RALGPS2: variants seen among roughly 807,000 people sequenced by gnomAD.
RALGPS2 encodes ras-specific guanine nucleotide-releasing factor RalGPS2.
Under a neutral mutation model 86.8 loss-of-function variants are expected in RALGPS2, and 43 were observed. The ratio of observed to expected loss-of-function variants is 0.50; its 90% confidence interval spans 0.39 to 0.64. The LOEUF (loss-of-function observed/expected upper bound fraction) is 0.64. Among genes scored for constraint, RALGPS2 ranks in the 30% least tolerant of loss-of-function variants. The probability of loss-of-function intolerance (pLI) is 0.00; values close to 1 mark genes in which losing one functional copy is unlikely to be tolerated. For missense variants in RALGPS2, 536 were observed against 694.6 expected, an observed-to-expected ratio of 0.77 and a Z score of 2.57; for synonymous variants, 243 against 231.3, an observed-to-expected ratio of 1.05 and a Z score of -0.46.
At chr1:178,834,791 G>GT (rs1443216128) in intron 8 of RALGPS2, among the ~76,000 whole-genome samples, 6 of 152,214 alleles carry the variant, frequency 3.9e-5, no homozygotes, top group Non-Finnish European at 7.4e-5. Flanking sequence ...TGTTTTGTTT[G>GT]TTTTTTGAGA....
intron 1 of RALGPS2, among the ~76,000 whole-genome samples, chr1:178,742,564 A>G (rs902484673): frequency 3.3e-5 from 5 of 152,202 alleles, no homozygotes; most frequent in African/African-American, 4.8e-5. Context: ...AGAAAATCAT[A>G]GGGATATATA....
At position 178,811,380 on chromosome 1, in the gene RALGPS2, G is replaced by A; in HGVS notation, c.363G>A (p.Leu121=). The part of the protein sequence containing the change: ...AQTLKIRAEV[L]SHYIKTAKKL... ...CATTAAAAATTAGAGCAGAAGTTTT[G>A]AGCCACTATATTAAAACTGCTAAGG... Residue 121 remains leucine (L), a synonymous_variant, in exon 6 of 20, where the codon TTG becomes TTA. Transcript: ENST00000367635. 6.5e-7 allele frequency: 1 copy of A among 1,549,668 alleles called. No individual in the cohort carries two copies. Among genetic ancestry groups the A allele is most frequent in the Non-Finnish European group, 8.6e-7 (1 of 1,157,892 alleles).
chr1:178,803,200 A>G (rs1572348006), intron 4 of RALGPS2, among the ~76,000 whole-genome samples: 1 of 152,324 alleles, frequency 6.6e-6, no homozygotes, highest in East Asian at 1.9e-4. Flanking sequence ...TTAAGAAATA[A>G]TCAGAAATGT....
rs997847412 is a variant in RALGPS2 at position 178,885,866 on chromosome 1, A to G, written c.1041-103A>G. 2.1e-4 allele frequency: 219 copies of G among 1,021,638 alleles called. 1 individual carries two copies. Among genetic ancestry groups the G allele is most frequent in the Non-Finnish European group, 8.1e-5 (58 of 716,338 alleles). The allele number at this position is 1,021,638 out of a possible 1,614,324, so 63.3% of individuals were successfully genotyped here. On this transcript the variant is annotated intron_variant, in intron 12 of 19. Coordinates refer to ENST00000367635, the MANE Select transcript of RALGPS2 (RefSeq NM_152663.5). Reference sequence around the variant, plus strand: ...GAGGCTTTTATGGTAAGATCTGAGTATGACAGTTAGGTAAATCTTTTATGT... The same window carrying G: ...GAGGCTTTTATGGTAAGATCTGAGTGTGACAGTTAGGTAAATCTTTTATGT...
chr1:178,784,546 T>C (rs759305373), intron 3 of RALGPS2, 24 bp downstream of exon 3: 8 of 1,520,518 alleles, frequency 5.3e-6, no homozygotes, highest in Middle Eastern at 1.7e-4. Flanking sequence ...CTCTGTCTTC[T>C]CCGGTTTTGC....
intron 8 of RALGPS2, among the ~76,000 whole-genome samples, chr1:178,868,901 T>C (rs577755836): frequency 6.6e-6 from 1 of 152,182 alleles, no homozygotes; most frequent in Non-Finnish European, 1.5e-5. Context: ...TCTTAAGTAG[T>C]AGACTAGCTA....
intron 3 of RALGPS2, 109 bp downstream of exon 3, chr1:178,784,631 A>T: frequency 1.4e-6 from 1 of 728,106 alleles, no homozygotes; most frequent in Non-Finnish European, 2.1e-6. Context: ...AGAAACCTGG[A>T]TATGGGAATT....
chr1:178,903,898 C>G (rs1660281557), intron 18 of RALGPS2, among the ~76,000 whole-genome samples: 1 of 152,098 alleles, frequency 6.6e-6, no homozygotes, highest in Non-Finnish European at 1.5e-5. Flanking sequence ...AATGGTAGTT[C>G]TACTTTTAGT....
At chr1:178,826,386 T>G (rs1038625890) in intron 7 of RALGPS2, among the ~76,000 whole-genome samples, 11 of 152,188 alleles carry the variant, frequency 7.2e-5, no homozygotes, top group African/African-American at 2.7e-4. Flanking sequence ...AATGAAATCT[T>G]GATACATGCT....
intron 8 of RALGPS2, among the ~76,000 whole-genome samples, chr1:178,838,463 C>T (rs1319820459): frequency 6.6e-6 from 1 of 152,198 alleles, no homozygotes; most frequent in Non-Finnish European, 1.5e-5. Context: ...AGCTGCGGGT[C>T]CTGACTGTTA....
intron 1 of RALGPS2, among the ~76,000 whole-genome samples, chr1:178,748,157 T>C (rs1227580895): frequency 6.6e-6 from 1 of 151,842 alleles, no homozygotes; most frequent in African/African-American, 2.4e-5. Context: ...CTGTCTCTGC[T>C]AAAAATACAA....
At chr1:178,749,814 G>A (rs1460958267) in intron 1 of RALGPS2, among the ~76,000 whole-genome samples, 2 of 152,090 alleles carry the variant, frequency 1.3e-5, no homozygotes, top group Non-Finnish European at 2.9e-5. Flanking sequence ...GTGCTTTCTG[G>A]CTGGGTGTGG....
chr1:178,727,216 C>T (rs1245016321), intron 1 of RALGPS2, among the ~76,000 whole-genome samples: 2 of 151,844 alleles, frequency 1.3e-5, no homozygotes, highest in Non-Finnish European at 2.9e-5. Flanking sequence ...GTGCGTTTTT[C>T]CCATTATATT....
At position 178,885,116 on chromosome 1, in the gene RALGPS2, T is replaced by C. The variant is rs748905466; in HGVS notation, c.945T>C (p.Ser315=). 5 of 1,612,406 alleles carry C rather than the reference T, an allele frequency of 3.1e-6. No individual in the cohort carries two copies. Among genetic ancestry groups the C allele is most frequent in the Non-Finnish European group, 4.2e-6 (5 of 1,179,546 alleles). Residue 315 remains serine, a synonymous_variant, in exon 12 of 20, where the codon AGT becomes AGC. Transcript: ENST00000367635. The part of the protein sequence containing the change: ...VGASPQSGRK[S]VAAEGALLPQ... ...CGTCTCCACAGAGTGGACGAAAAAG[T>C]GTGGCAGCTGAAGGAGCCTTGCTCC...
chr1:178,741,993 G>A (rs1188713735), intron 1 of RALGPS2, among the ~76,000 whole-genome samples: 5 of 151,786 alleles, frequency 3.3e-5, no homozygotes, highest in Admixed American at 2.0e-4. Flanking sequence ...AAAATTAGCC[G>A]GGCATGGTGA....
At chr1:178,885,436 C>A in intron 12 of RALGPS2, 2 of 466,986 alleles carry the variant, frequency 4.3e-6, no homozygotes, top group East Asian at 3.9e-5. Context: ...TATTTGGGGA[C>A]GATAAATGAA....
intron 1 of RALGPS2, among the ~76,000 whole-genome samples, chr1:178,754,297 A>G (rs568274571): frequency 8.6e-5 from 13 of 152,014 alleles, no homozygotes; most frequent in South Asian, 4.2e-4. Context: ...ATATATTACA[A>G]GGAATTGGCT....
chr1:178,882,988 G>A (rs916531869), intron 10 of RALGPS2, among the ~76,000 whole-genome samples: 5 of 152,156 alleles, frequency 3.3e-5, no homozygotes, highest in African/African-American at 1.2e-4. Context: ...TAAAGTATCA[G>A]TGTAAGCTCT....
At chr1:178,915,258 G>T (rs1660768008) in intron 19 of RALGPS2, among the ~76,000 whole-genome samples, 1 of 151,990 alleles carries the variant, frequency 6.6e-6, no homozygotes, top group Admixed American at 6.6e-5. Context: ...TTTGAGACAG[G>T]GTTTCACTCT....
Sources: allele counts gnomAD v4.1 joint callset (sites outside exome capture counted in the v4.1 genomes callset), GRCh38; gene constraint gnomAD v4.1.1; transcripts MANE v1.5; gene names NCBI Gene and HGNC (gene_info 2026-07-23, HGNC 2026-07-21).